AHI1: variants seen among roughly 807,000 people sequenced by gnomAD.
AHI1 encodes the protein jouberin.
Under a neutral mutation model 149.3 loss-of-function variants are expected in AHI1, and 123 were observed. The observed-to-expected ratio is 0.82, with a 90% CI of 0.71 to 0.96. The LOEUF is 0.96. Ranked by LOEUF, AHI1 falls within the 40% of genes least tolerant of loss-of-function variation. The pLI, the probability that AHI1 is intolerant of heterozygous loss-of-function variation, is 0.00. For synonymous variants in AHI1, 475 were observed against 459.8 expected, an observed-to-expected ratio of 1.03 and a Z score of -0.42; for missense variants, 1,439 against 1,422.7, an observed-to-expected ratio of 1.01 and a Z score of -0.18.
intron 19 of AHI1, 49 bp from the exon 20 acceptor site, chr6:135,427,356 C>A (rs374281424): frequency 2.7e-6 from 4 of 1,473,904 alleles, no homozygotes; most frequent in Admixed American, 1.9e-5. Flanking sequence ...ATATCTGTAT[C>A]GATAAATCTT....
chr6:135,400,180 T>A (rs879352986), intron 22 of AHI1, among the ~76,000 whole-genome samples: 8 of 152,098 alleles, frequency 5.3e-5, no homozygotes, highest in Non-Finnish European at 1.0e-4. Flanking sequence ...AATTATTTTT[T>A]AAAAAAACCT....
chr6:135,346,801 T>G (rs898676916), intron 24 of AHI1, among the ~76,000 whole-genome samples: 4 of 152,162 alleles, frequency 2.6e-5, no homozygotes, highest in Non-Finnish European at 2.9e-5. Flanking sequence ...GGTAGCCTAG[T>G]TTGAAGTATA....
intron 23 of AHI1, among the ~76,000 whole-genome samples, chr6:135,367,105 T>C (rs758041666): frequency 6.6e-6 from 1 of 152,228 alleles, no homozygotes; most frequent in Non-Finnish European, 1.5e-5. Context: ...CTTTTGGAGT[T>C]CCTTCATTTA....
intron 4 of AHI1, among the ~76,000 whole-genome samples, chr6:135,491,957 T>C (rs920842246): frequency 6.6e-6 from 1 of 152,222 alleles, no homozygotes; most frequent in Non-Finnish European, 1.5e-5. Flanking sequence ...ATTTTGATGA[T>C]AAAGAATAAA....
chr6:135,309,885 G>T (rs144041098), intron 26 of AHI1, among the ~76,000 whole-genome samples: 4 of 152,166 alleles, frequency 2.6e-5, no homozygotes, highest in Admixed American at 2.6e-4. Context: ...TTCAGATAAA[G>T]TAAGAAAACT....
intron 24 of AHI1, among the ~76,000 whole-genome samples, chr6:135,333,805 A>G (rs1788957557): frequency 6.6e-6 from 1 of 152,212 alleles, no homozygotes; most frequent in Non-Finnish European, 1.5e-5. Context: ...GTAAAATAAG[A>G]GGTCTAGACA....
intron 11 of AHI1, among the ~76,000 whole-genome samples, chr6:135,452,674 A>G (rs1218691440): frequency 6.6e-6 from 1 of 152,148 alleles, no homozygotes; most frequent in Non-Finnish European, 1.5e-5. Context: ...CCTCATCATA[A>G]TTAACATCCC....
intron 24 of AHI1, among the ~76,000 whole-genome samples, chr6:135,332,411 T>C (rs1788737188): frequency 6.6e-6 from 1 of 152,226 alleles, no homozygotes. Flanking sequence ...GACTTTACTC[T>C]AGGGATAAAT....
chr6:135,341,686 T>C (rs952930321), intron 24 of AHI1, among the ~76,000 whole-genome samples: 1 of 151,866 alleles, frequency 6.6e-6, no homozygotes, highest in Non-Finnish European at 1.5e-5. Flanking sequence ...AATTTCATAA[T>C]GTATGGAACG....
chr6:135,410,542 C>T (rs899619419), intron 21 of AHI1, among the ~76,000 whole-genome samples: 5 of 152,216 alleles, frequency 3.3e-5, no homozygotes, highest in Non-Finnish European at 7.3e-5. Flanking sequence ...TTTCACCTAT[C>T]TCTTTTTTTC....
intron 9 of AHI1, among the ~76,000 whole-genome samples, chr6:135,456,776 T>C (rs1321593521): frequency 3.9e-5 from 6 of 152,194 alleles, no homozygotes; most frequent in Admixed American, 2.0e-4. Context: ...ATTTCAAGCA[T>C]GCATTAGCTA....
At chr6:135,407,128 G>GT (rs1257684625) in intron 21 of AHI1, among the ~76,000 whole-genome samples, 5 of 151,956 alleles carry the variant, frequency 3.3e-5, no homozygotes, top group African/African-American at 1.2e-4. Context: ...TCTATTTTTT[G>GT]TATCTTTTAC....
intron 23 of AHI1, among the ~76,000 whole-genome samples, chr6:135,360,449 C>T (rs1003982014): frequency 3.9e-5 from 6 of 152,202 alleles, no homozygotes; most frequent in African/African-American, 1.4e-4. Flanking sequence ...ATTCTGCCAA[C>T]AGGCTGCCTT....
chr6:135,469,996 C>T (rs781367724), intron 5 of AHI1, among the ~76,000 whole-genome samples: 14 of 152,106 alleles, frequency 9.2e-5, no homozygotes, highest in Middle Eastern at 3.2e-3. Context: ...AGCTTCTGCA[C>T]AGCAAAAGAA....
At chr6:135,382,870 G>A (rs374701445) in intron 23 of AHI1, among the ~76,000 whole-genome samples, 13 of 122,768 alleles carry the variant, frequency 1.1e-4, no homozygotes, top group African/African-American at 3.5e-4. Context: ...GGTTCCAGGC[G>A]GTGCCCATCC....
intron 21 of AHI1, among the ~76,000 whole-genome samples, chr6:135,410,834 T>C (rs1047049721): frequency 3.3e-5 from 5 of 152,222 alleles, no homozygotes; most frequent in African/African-American, 1.2e-4. Context: ...GCTTTGCCTT[T>C]ACTTATTTTC....
rs1455343917 is a variant in AHI1 at position 135,453,447 on chromosome 6, A to G, written c.1345-11T>C. 24 of 1,524,824 alleles carry G rather than the reference A, an allele frequency of 1.6e-5. No individual in the cohort carries two copies. Among genetic ancestry groups the G allele is most frequent in the Non-Finnish European group, 2.0e-5 (23 of 1,124,830 alleles). 94.5% of individuals were successfully genotyped at this position (1,524,824 alleles called of 1,614,324 possible). A position where few individuals can be genotyped will look rare whatever the true frequency, so the allele number is the denominator to read the frequency against. ...TAAGAAATCAAGAATCTGCAAATAA[A>G]TTCACAGAAGACTAAGCTACCTAAA... On this transcript the variant is annotated splice_polypyrimidine_tract_variant and intron_variant, in intron 10 of 28. Transcript: ENST00000265602.
chr6:135,418,625 A>G (rs1011675341), intron 20 of AHI1, among the ~76,000 whole-genome samples: 1 of 152,042 alleles, frequency 6.6e-6, no homozygotes, highest in African/African-American at 2.4e-5. Flanking sequence ...TATTATTACA[A>G]TCTATGTACT....
chr6:135,293,193 A>G (rs1291582002), intron 27 of AHI1, among the ~76,000 whole-genome samples: 1 of 152,102 alleles, frequency 6.6e-6, no homozygotes, highest in African/African-American at 2.4e-5. Flanking sequence ...TCAAACATCT[A>G]TTCCTGACAA....
Sources: gnomAD v4.1 joint callset for allele counts (sites outside exome capture counted in the v4.1 genomes callset) on GRCh38, gnomAD v4.1.1 for gene constraint, MANE v1.5 for transcripts, NCBI Gene and HGNC (gene_info 2026-07-23, HGNC 2026-07-21) for gene names.